Variants in GJA3 observed in about 807,000 individuals in gnomAD.
GJA3 encodes the protein gap junction alpha-3 protein.
For synonymous variants in GJA3, 297 were observed against 292.6 expected (o/e 1.02, Z -0.15); for missense variants, 571 against 620.3 (o/e 0.92, Z 0.84).
chr13:20,153,224 A>G (rs1958888757), intron 1 of GJA3, among the ~76,000 whole-genome samples: 1 of 152,202 alleles, frequency 6.6e-6, no homozygotes, highest in South Asian at 2.1e-4. Flanking sequence ...GGAACAAAAG[A>G]CCTTTTCTTG....
rs896452234 is a variant in GJA3, at chr13:20,139,195, G to GTTTA, written c.*2782_*2785dup. ...TTTTTGGTACTGTAACTATAGTGAT[G>GTTTA]TTTAACATTTTATAAAAACAGGGAT... On this transcript the variant is annotated 3_prime_UTR_variant, in exon 2 of 2. Transcript: ENST00000241125. 4.3e-4 allele frequency: 66 copies of GTTTA among 152,168 alleles called. No homozygotes were observed. The highest frequency in any genetic ancestry group is 1.5e-3 in the African/African-American group (64 of 41,522). The allele number at this position is 152,168 out of a possible 1,614,324, so 9.4% of individuals were successfully genotyped here.
chr13:20,150,089 G>A (rs916179372), intron 1 of GJA3, among the ~76,000 whole-genome samples: 3 of 152,308 alleles, frequency 2.0e-5, no homozygotes, highest in East Asian at 1.9e-4. Context: ...TAGAGTCAGG[G>A]AATAAAAAAG....
chr13:20,156,356 G>GGCTC (rs1283969492), intron 1 of GJA3, among the ~76,000 whole-genome samples: 3 of 151,942 alleles, frequency 2.0e-5, no homozygotes, highest in African/African-American at 7.3e-5. Flanking sequence ...TCCCAGGCTG[G>GGCTC]AGTGGAGTGG....
Position 20,148,253 on chromosome 13 carries a change from C to CTT in GJA3, c.-17-4950_-17-4949dup, listed in dbSNP as rs71074204. On this transcript the variant is annotated intron_variant, in intron 1 of 1. Transcript: ENST00000241125. ...GGGGCATTTTACCAATACTATGGTT[C>CTT]TTTTTTTTTTTTTTTTTTTTTTGAG... 6.6e-4 allele frequency among the ~76,000 whole-genome samples: 60 copies of CTT among 90,714 alleles called. 1 individual carries two copies. The highest frequency in any genetic ancestry group is 1.6e-3 in the African/African-American group (40 of 25,284). The allele number at this position is 90,714 out of a possible 152,430, so 59.5% of individuals were successfully genotyped here.
chr13:20,155,969 C>T lies in GJA3; in HGVS notation c.-18+4921G>A, dbSNP rs555422635. ...AGGAAACATTACTCTCATCCAGAGCCAACTGATTTAGGAATATTATAAATT... is the reference window on the plus strand; with the variant it reads ...AGGAAACATTACTCTCATCCAGAGCTAACTGATTTAGGAATATTATAAATT... On this transcript the variant is annotated intron_variant, in intron 1 of 1. Transcript: ENST00000241125. Among the ~76,000 whole-genome samples the T allele has an allele frequency of 2.8e-4, 42 of 152,170 alleles. 1 individual carries two copies. Among genetic ancestry groups the T allele is most frequent in the African/African-American group, 1.0e-3 (42 of 41,542 alleles).
At position 20,143,096 on chromosome 13, in the gene GJA3, A is replaced by AG; in HGVS notation, c.192dup (p.Cys65LeufsTer261). On this transcript the variant is annotated frameshift_variant, in exon 2 of 2. Coordinates refer to ENST00000241125, the MANE Select transcript of GJA3 (RefSeq NM_021954.4). LOFTEE classifies it low-confidence loss of function (END_TRUNC). ...GAGATGGGGAAGGCCCTGTCGTAGC[A>AG]GACGTTCTCGCAGCCCGGCTGCTGG... The AG allele has an allele frequency of 1.2e-6, 2 of 1,613,998 alleles. No individual in the cohort carries two copies. Among genetic ancestry groups the AG allele is most frequent in the East Asian group, 4.5e-5 (2 of 44,872 alleles).
Position 20,138,390 on chromosome 13 carries a change from T to C in GJA3, c.*3591A>G, listed in dbSNP as rs1422699291. Reference sequence around the variant, plus strand: ...GTAAATACATGAGCTAAATGAACATTTACACACCAAACAGCTTCAAATATG... The same window carrying C: ...GTAAATACATGAGCTAAATGAACATCTACACACCAAACAGCTTCAAATATG... On this transcript the variant is annotated 3_prime_UTR_variant, in exon 2 of 2. Coordinates refer to ENST00000241125, the MANE Select transcript of GJA3 (RefSeq NM_021954.4). 6.6e-6 allele frequency: 1 copy of C among 152,208 alleles called. No individual in the cohort carries two copies. The highest frequency in any genetic ancestry group is 1.9e-4 in the East Asian group (1 of 5,196). 9.4% of individuals were successfully genotyped at this position (152,208 alleles called of 1,614,324 possible).
chr13:20,150,794 G>C (rs987639620), intron 1 of GJA3, among the ~76,000 whole-genome samples: 1 of 152,182 alleles, frequency 6.6e-6, no homozygotes, highest in Non-Finnish European at 1.5e-5. Flanking sequence ...CAGGGCCCGT[G>C]GTGCTCAGCT....
At chr13:20,156,113 T>C (rs1958905378) in intron 1 of GJA3, among the ~76,000 whole-genome samples, 2 of 152,202 alleles carry the variant, frequency 1.3e-5, no homozygotes, top group African/African-American at 4.8e-5. Context: ...CTGCCATCTA[T>C]GTATTATTAT....
rs1958799349 is a variant in GJA3 at position 20,140,191 on chromosome 13, T to G, written c.*1790A>C. 1.3e-5 allele frequency: 2 copies of G among 152,170 alleles called. No homozygotes were observed. Among genetic ancestry groups the G allele is most frequent in the Non-Finnish European group, 2.9e-5 (2 of 68,044 alleles). The allele number at this position is 152,170 out of a possible 1,614,324, so 9.4% of individuals were successfully genotyped here. A position where few individuals can be genotyped will look rare whatever the true frequency, so the allele number is the denominator to read the frequency against. ...TTCCAAAGGGCTAATTTCTCTCTTG[T>G]CAATCTGGTTGAGAAAGTCTCTGAG... On this transcript the variant is annotated 3_prime_UTR_variant, in exon 2 of 2. Transcript: ENST00000241125.
At position 20,142,555 on chromosome 13, in the gene GJA3, G is replaced by A. The variant is rs1958816894; in HGVS notation, c.734C>T (p.Ala245Val). ...TSRLGPDASE[A>V]PLGTADPPPL... is the part of the protein sequence containing the mutation. ...CGGGGGATCGGCTGTCCCCAGCGGG[G>A]CCTCGGAGGCGTCCGGGCCGAGGCG... Residue 245 changes from alanine to valine, a missense_variant, in exon 2 of 2, where the codon GCC (alanine) becomes GTC (valine). Coordinates refer to ENST00000241125, the MANE Select transcript of GJA3 (RefSeq NM_021954.4). The A allele has an allele frequency of 3.2e-6, 5 of 1,577,022 alleles. No homozygotes were observed. Among genetic ancestry groups the A allele is most frequent in the Non-Finnish European group, 1.7e-6 (2 of 1,162,040 alleles).
In GJA3 at chr13:20,143,539, C is replaced by T. The variant is rs574705729; in HGVS notation, c.-17-234G>A. On this transcript the variant is annotated intron_variant, in intron 1 of 1. Transcript: ENST00000241125. The stretch of plus-strand genomic sequence containing the variant: ...ATTTCAGAGAGGAGGAAGCCAGAGC[C>T]AGAAGAGAAAATGCCCTCCTCTGGC... Among the ~76,000 whole-genome samples the T allele has an allele frequency of 1.4e-3, 218 of 152,338 alleles. 2 individuals are homozygous for T. The highest frequency in any genetic ancestry group is 5.0e-3 in the African/African-American group (207 of 41,578).
chr13:20,145,605 G>C (rs759151525), intron 1 of GJA3, among the ~76,000 whole-genome samples: 92 of 152,202 alleles, frequency 6.0e-4, no homozygotes, highest in Non-Finnish European at 1.1e-3. Flanking sequence ...ACACTGCACA[G>C]GACAAAACCA....
At chr13:20,149,930 G>A (rs1030272202) in intron 1 of GJA3, among the ~76,000 whole-genome samples, 1 of 152,212 alleles carries the variant, frequency 6.6e-6, no homozygotes, top group African/African-American at 2.4e-5. Flanking sequence ...TGCTCTTCAC[G>A]AATGAGGCAG....
intron 1 of GJA3, among the ~76,000 whole-genome samples, chr13:20,159,709 A>G (rs1958926651): frequency 6.6e-6 from 1 of 152,166 alleles, no homozygotes; most frequent in Non-Finnish European, 1.5e-5. Context: ...GATTTGTTAG[A>G]GTAGTACCGT....
Position 20,138,480 on chromosome 13 carries a change from A to G in GJA3, c.*3501T>C, listed in dbSNP as rs752626194. On this transcript the variant is annotated 3_prime_UTR_variant, in exon 2 of 2. Transcript: ENST00000241125. ...AAATCCCTAACTTGTTTGCCTTATT[A>G]TAATGTTCTGTAACGTAAAGGGGAA... 4 of 152,198 alleles carry G rather than the reference A, an allele frequency of 2.6e-5. No homozygotes were observed. Among genetic ancestry groups the G allele is most frequent in the Non-Finnish European group, 5.9e-5 (4 of 68,034 alleles). 9.4% of individuals were successfully genotyped at this position (152,198 alleles called of 1,614,324 possible).
intron 1 of GJA3, among the ~76,000 whole-genome samples, chr13:20,158,844 G>C (rs958272879): frequency 3.0e-5 from 4 of 131,526 alleles, no homozygotes; most frequent in African/African-American, 1.2e-4. Flanking sequence ...CTGGGAGGCA[G>C]AAGTCGCAAT....
Position 20,138,447 on chromosome 13 carries a change from T to C in GJA3, c.*3534A>G, listed in dbSNP as rs1958788472. On this transcript the variant is annotated 3_prime_UTR_variant, in exon 2 of 2. Coordinates refer to ENST00000241125, the MANE Select transcript of GJA3 (RefSeq NM_021954.4). The stretch of plus-strand genomic sequence containing the variant: ...TCTGGAAACAGTTTGTTGCTTTGAG[T>C]GTTATTCAAATCCCTAACTTGTTTG... The C allele has an allele frequency of 6.6e-6, 1 of 152,176 alleles. No individual in the cohort carries two copies. Among genetic ancestry groups the C allele is most frequent in the Admixed American group, 6.5e-5 (1 of 15,272 alleles). 9.4% of individuals were successfully genotyped at this position (152,176 alleles called of 1,614,324 possible). A position where few individuals can be genotyped will look rare whatever the true frequency, so the allele number is the denominator to read the frequency against.
chr13:20,149,046 CTT>C (rs1359055014), intron 1 of GJA3, among the ~76,000 whole-genome samples: 2 of 152,212 alleles, frequency 1.3e-5, no homozygotes, highest in African/African-American at 4.8e-5. Flanking sequence ...CTTTCATAGT[CTT>C]TGAAAAGTTA....
Sources: gnomAD v4.1 joint callset for allele counts (sites outside exome capture counted in the v4.1 genomes callset) on GRCh38, gnomAD v4.1.1 for gene constraint, MANE v1.5 for transcripts, NCBI Gene and HGNC (gene_info 2026-07-23, HGNC 2026-07-21) for gene names.